The following MTAP variants were observed in gnomAD, a reference collection of about 807,000 sequenced individuals.
MTAP encodes S-methyl-5'-thioadenosine phosphorylase.
In MTAP, 33 loss-of-function variants were observed where a neutral mutation model predicts 33.6. That is an observed-to-expected ratio of 0.98 (90% CI 0.74 to 1.31). The LOEUF (loss-of-function observed/expected upper bound fraction) is 1.31. Among genes scored for constraint, MTAP ranks in the 40% most tolerant of loss-of-function variants. MTAP has a pLI of 0.00. For missense variants in MTAP, 367 were observed against 360.0 expected, an observed-to-expected ratio of 1.02 and a Z score of -0.16; for synonymous variants, 148 against 125.7, an observed-to-expected ratio of 1.18 and a Z score of -1.19.
chr9:21,896,934 G>C (rs369675184), intron 1 of MTAP, among the ~76,000 whole-genome samples: 2 of 152,046 alleles, frequency 1.3e-5, no homozygotes, highest in Admixed American at 6.6e-5. Flanking sequence ...AACAAAAAAA[G>C]AATTTTAAAC....
chr9:21,803,032 A>ACACACACACACACACACACACACACACC, intron 1 of MTAP: 1 of 1,009,990 alleles, frequency 9.9e-7, no homozygotes, highest in Non-Finnish European at 1.3e-6. Context: ...ACACACACAC[A>ACACACACACACACACACACACACACACC]CACACCACCT....
chr9:21,873,241 T>G (rs1044475094), intron 1 of MTAP, among the ~76,000 whole-genome samples: 1 of 152,238 alleles, frequency 6.6e-6, no homozygotes, highest in African/African-American at 2.4e-5. Context: ...TCTTATAGTT[T>G]GTCTTCTTGA....
intron 1 of MTAP, among the ~76,000 whole-genome samples, chr9:21,920,876 T>G (rs1818776619): frequency 6.6e-6 from 1 of 152,212 alleles, no homozygotes; most frequent in South Asian, 2.1e-4. Context: ...CCTAACACTC[T>G]TTTTTTCTGT....
intron 4 of MTAP, among the ~76,000 whole-genome samples, chr9:21,821,030 G>A (rs1249926420): frequency 6.6e-6 from 1 of 152,214 alleles, no homozygotes; most frequent in Non-Finnish European, 1.5e-5. Context: ...TTTGGGCTGA[G>A]ACGATGGGGT....
At chr9:21,829,706 T>C (rs937594592) in intron 4 of MTAP, among the ~76,000 whole-genome samples, 7 of 152,204 alleles carry the variant, frequency 4.6e-5, no homozygotes, top group African/African-American at 1.7e-4. Context: ...TATTCTTATT[T>C]TATAGATGGC....
intron 6 of MTAP, chr9:21,856,041 G>T: frequency 4.8e-6 from 2 of 415,298 alleles, no homozygotes; most frequent in Non-Finnish European, 6.5e-6. Context: ...GTATTTTAAT[G>T]ATTACCTCTT....
At chr9:21,827,170 ACAGG>A (rs1480116028) in intron 4 of MTAP, among the ~76,000 whole-genome samples, 6 of 152,186 alleles carry the variant, frequency 3.9e-5, no homozygotes, top group African/African-American at 1.4e-4. Flanking sequence ...CTGGGTGAAG[ACAGG>A]AGCCTCCTGG....
At chr9:21,878,489 C>A (rs950184682) in intron 1 of MTAP, among the ~76,000 whole-genome samples, 3 of 151,628 alleles carry the variant, frequency 2.0e-5, no homozygotes, top group Non-Finnish European at 2.9e-5. Flanking sequence ...AATTTTTATT[C>A]TATTTATTTA....
At chr9:21,920,958 C>A (rs1818778095) in intron 1 of MTAP, among the ~76,000 whole-genome samples, 1 of 152,096 alleles carries the variant, frequency 6.6e-6, no homozygotes, top group African/African-American at 2.4e-5. Context: ...ACCACTTCTC[C>A]CATTTTTTTT....
chr9:21,871,275 C>T (rs1825932834), downstream of MTAP, among the ~76,000 whole-genome samples: 1 of 152,174 alleles, frequency 6.6e-6, no homozygotes, highest in Non-Finnish European at 1.5e-5. Context: ...AGCAGCCACA[C>T]TTGGCTAGTG....
intron 1 of MTAP, chr9:21,929,591 G>C: frequency 2.9e-6 from 1 of 347,436 alleles, no homozygotes; most frequent in African/African-American, 2.0e-5. Flanking sequence ...TGCTGGTTAT[G>C]TACTAGCTCT....
At chr9:21,818,947 A>G (rs1317072176) in intron 4 of MTAP, among the ~76,000 whole-genome samples, 1 of 151,498 alleles carries the variant, frequency 6.6e-6, no homozygotes, top group East Asian at 1.9e-4. Flanking sequence ...TAACCTTTCT[A>G]CTCTTTACTT....
At position 21,837,543 on chromosome 9, in the gene MTAP, A is replaced by G. The variant is rs541664901; in HGVS notation, c.348-365A>G. 8.5e-5 allele frequency among the ~76,000 whole-genome samples: 13 copies of G among 152,334 alleles called. No homozygotes were observed. In the East Asian group the frequency reaches 2.3e-3, roughly 27 times the overall value. On this transcript the variant is annotated intron_variant, in intron 4 of 7. Transcript: ENST00000644715. ...GGGTGATGTGTATATGGTGTTAAGT[A>G]TATGATTTTCCACGTCTGTGATGAT... is the stretch of plus-strand genomic sequence containing the variant.
At chr9:21,802,908 C>T (rs1350832575) in intron 1 of MTAP, 127 bp downstream of exon 1, 2 of 1,453,710 alleles carry the variant, frequency 1.4e-6, no homozygotes, top group East Asian at 2.6e-5. Flanking sequence ...CGGGGAGGGA[C>T]TGGGGCGCGG....
At chr9:21,895,420 G>A (rs1818274156) in intron 1 of MTAP, among the ~76,000 whole-genome samples, 1 of 152,348 alleles carries the variant, frequency 6.6e-6, no homozygotes, top group South Asian at 2.1e-4. Context: ...CAATGCAGAA[G>A]ACCAGTGATT....
At chr9:21,935,595 G>A (rs1819029974), downstream of MTAP, 1 of 152,020 alleles carries the variant, frequency 6.6e-6, no homozygotes, top group South Asian at 2.1e-4. Flanking sequence ...ATGTCTCTCT[G>A]GGCCTGATAA....
At chr9:21,899,341 C>G (rs544839765) in intron 1 of MTAP, among the ~76,000 whole-genome samples, 73 of 148,378 alleles carry the variant, frequency 4.9e-4, no homozygotes, top group African/African-American at 1.7e-3. Context: ...ATGTAACAAA[C>G]TTGCACGTTG....
intron 1 of MTAP, among the ~76,000 whole-genome samples, chr9:21,920,016 A>G (rs903793456): frequency 1.3e-5 from 2 of 152,016 alleles, no homozygotes; most frequent in Admixed American, 6.5e-5. Context: ...AATGTAACAG[A>G]AATGTATATG....
intron 4 of MTAP, among the ~76,000 whole-genome samples, chr9:21,820,616 C>T (rs1824609939): frequency 6.6e-6 from 1 of 151,948 alleles, no homozygotes; most frequent in Non-Finnish European, 1.5e-5. Context: ...ATTGTCTTGG[C>T]AATGTTCATG....
Sources: allele counts gnomAD v4.1 joint callset (sites outside exome capture counted in the v4.1 genomes callset), GRCh38; gene constraint gnomAD v4.1.1; transcripts MANE v1.5; gene names NCBI Gene and HGNC (gene_info 2026-07-23, HGNC 2026-07-21).